The following DDX17 variants were observed in gnomAD, a reference collection of about 807,000 sequenced individuals.
DDX17 encodes DEAD-box helicase 17.
In DDX17, 10 loss-of-function variants were observed where a neutral mutation model predicts 80.8. The ratio of observed to expected loss-of-function variants is 0.12; its 90% CI spans 0.08 to 0.21. The LOEUF (loss-of-function observed/expected upper bound fraction) is 0.21. DDX17 is among the 10% of genes least tolerant of loss of function. The pLI is 1.00. For missense variants in DDX17, 586 were observed against 957.4 expected, an observed-to-expected ratio of 0.61 and a Z score of 5.12; for synonymous variants, 339 against 336.2, an observed-to-expected ratio of 1.01 and a Z score of -0.09.
At chr22:38,499,320 T>C in intron 3 of DDX17, 80 bp downstream of exon 3, 1 of 1,084,534 alleles carries the variant, frequency 9.2e-7, no homozygotes, top group Non-Finnish European at 1.4e-6. Flanking sequence ...CAAGCCTGGC[T>C]CAAAGAGTTT....
rs1386912140 is a variant in DDX17, at chr22:38,506,130, C to G, written c.108G>C (p.Glu36Asp). ...TTGGGGCGGCGGCAGGCGCAGCGCTCTCTCGCTCCGACGCGCTGTCTCCCG... is the reference window on the plus strand; with the variant it reads ...TTGGGGCGGCGGCAGGCGCAGCGCTGTCTCGCTCCGACGCGCTGTCTCCCG... Residue 36 changes from glutamate (E) to aspartate (D), a missense_variant, in exon 1 of 13, where the codon GAG becomes GAC. Glu to Asp is a conservative substitution (Grantham distance 45). Coordinates refer to ENST00000403230, the MANE Select transcript of DDX17 (RefSeq NM_006386.5). 1.9e-6 allele frequency: 3 copies of G among 1,579,732 alleles called. No homozygotes were observed. The highest frequency in any genetic ancestry group is 2.6e-6 in the Non-Finnish European group (3 of 1,164,186).
intron 1 of DDX17, among the ~76,000 whole-genome samples, chr22:38,504,227 C>T (rs1175292811): frequency 6.6e-6 from 1 of 152,202 alleles, no homozygotes; most frequent in Non-Finnish European, 1.5e-5. Flanking sequence ...CCTACCACAA[C>T]GTGCTTTTTA....
Position 38,488,019 on chromosome 22 carries a change from T to C in DDX17, c.1544A>G (p.Lys515Arg). 1 of 1,614,222 alleles carries C rather than the reference T, an allele frequency of 6.2e-7. No homozygotes were observed. The highest frequency in any genetic ancestry group is 8.5e-7 in the Non-Finnish European group (1 of 1,180,040). ...GGTGAAGAAGGTATAGGCGGTACCC[T>C]TGTTGGTGCTACGGGCTGTTCGGCC... Residue 515 changes from lysine to arginine, a missense_variant, in exon 12 of 13, where the codon AAG becomes AGG. Lys to Arg is a conservative substitution (Grantham distance 26, BLOSUM62 2). This residue lies in a region of DDX17 where 9 missense variants were observed against 78.3 expected (regional missense o/e 0.11). Transcript: ENST00000403230.
intron 11 of DDX17, 22 bp from the exon 12 acceptor site, chr22:38,488,137 A>G (rs2089678839): frequency 1.2e-6 from 2 of 1,613,952 alleles, no homozygotes; most frequent in South Asian, 2.2e-5. Context: ...ATGATGAGTC[A>G]GTGTGTAGGT....
Position 38,498,129 on chromosome 22 carries a change from G to T in DDX17, c.694C>A (p.His232Asn). Reference sequence around the variant, plus strand: ...TCCAAGTATGGCTGGTGGTTAATATGAACAATTGCAGGCAGGAGATACTGT... The same window carrying T: ...TCCAAGTATGGCTGGTGGTTAATATTAACAATTGCAGGCAGGAGATACTGT... The change falls in exon 5 of 13, where the codon CAT becomes AAT. Residue 232 changes from histidine (H) to asparagine (N), a missense_variant. Physicochemically the swap from His to Asn is moderately conservative, Grantham distance 68 (BLOSUM62 1). Transcript: ENST00000403230. 1 of 1,614,066 alleles carries T rather than the reference G, an allele frequency of 6.2e-7. No individual in the cohort carries two copies. Among genetic ancestry groups the T allele is most frequent in the South Asian group, 1.1e-5 (1 of 91,068 alleles).
intron 10 of DDX17, 130 bp from the exon 11 acceptor site, chr22:38,492,245 C>G: frequency 1.5e-6 from 1 of 664,264 alleles, no homozygotes; most frequent in South Asian, 2.3e-5. Context: ...GACAGTGATT[C>G]TTTTGAAAAT....
intron 12 of DDX17, 88 bp from the exon 13 acceptor site, chr22:38,486,528 A>C: frequency 6.9e-7 from 1 of 1,442,580 alleles, no homozygotes; most frequent in Non-Finnish European, 9.2e-7. Context: ...CAAAAGTATT[A>C]AACATGTCTC....
chr22:38,489,454 A>G lies in DDX17; in HGVS notation c.1448-1339T>C. The G allele has an allele frequency of 1.0e-6, 1 of 985,826 alleles. No individual in the cohort carries two copies. Among genetic ancestry groups the G allele is most frequent in the Non-Finnish European group, 1.2e-6 (1 of 829,938 alleles). 61.1% of individuals were successfully genotyped at this position (985,826 alleles called of 1,614,324 possible). Reference sequence around the variant, plus strand: ...GCCCCATTTGGTTGCCAAGCGCCGGAGAACCTGGGTTCGGGTAAAAATTTC... The same window carrying G: ...GCCCCATTTGGTTGCCAAGCGCCGGGGAACCTGGGTTCGGGTAAAAATTTC... On this transcript the variant is annotated intron_variant, in intron 11 of 12. Transcript: ENST00000403230. The surrounding 1 kb of genome is among the most constrained non-coding windows in gnomAD (Gnocchi z 4.6).
rs1569141412 is a variant in DDX17, at chr22:38,498,163, G to GA, written c.673-14dup. The GA allele has an allele frequency of 1.2e-6, 2 of 1,613,248 alleles. No individual in the cohort carries two copies. The highest frequency in any genetic ancestry group is 8.5e-7 in the Non-Finnish European group (1 of 1,179,464). On this transcript the variant is annotated splice_polypyrimidine_tract_variant and intron_variant, in intron 4 of 12. Transcript: ENST00000403230. ...CAGGCAGGAGATACTGTGGAGGGGG[G>GA]AAAGAATGACAACCTTACGCTTAGA...
rs1204171953 is a variant in DDX17 at position 38,505,884 on chromosome 22, C to T, written c.287+67G>A. The T allele has an allele frequency of 1.9e-5, 29 of 1,511,054 alleles. No individual in the cohort carries two copies. The East Asian group carries it at 3.0e-4, about 16-fold the overall frequency. The allele number at this position is 1,511,054 out of a possible 1,614,324, so 93.6% of individuals were successfully genotyped here. A position where few individuals can be genotyped will look rare whatever the true frequency, so the allele number is the denominator to read the frequency against. On this transcript the variant is annotated intron_variant, in intron 1 of 12. Transcript: ENST00000403230. ...CAAGGCTCCCAGGCTCGCAGTCCGC[C>T]GGGCCTCCCCAAGAAGCAACTCCCC... is the stretch of plus-strand genomic sequence containing the variant.
chr22:38,500,335 G>C (rs923226459), intron 2 of DDX17, among the ~76,000 whole-genome samples: 12 of 151,868 alleles, frequency 7.9e-5, no homozygotes, highest in African/African-American at 2.7e-4. Flanking sequence ...ATGAGTATTA[G>C]GGGTCTTAGA....
At chr22:38,488,141 T>A (rs1167200329) in intron 11 of DDX17, 26 bp from the exon 12 acceptor site, 1 of 1,613,016 alleles carries the variant, frequency 6.2e-7, no homozygotes, top group Admixed American at 1.7e-5. Flanking sequence ...TGAGTCAGTG[T>A]GTAGGTTGAT....
At position 38,505,719 on chromosome 22, in the gene DDX17, A is replaced by T. The variant is rs1602689965; in HGVS notation, c.287+232T>A. Reference sequence around the variant, plus strand: ...GGCTGGGATGGGGCCGGGCCGCGCCACGACGGCCGTCCGCACGGAGAGGCC... The same window carrying T: ...GGCTGGGATGGGGCCGGGCCGCGCCTCGACGGCCGTCCGCACGGAGAGGCC... On this transcript the variant is annotated intron_variant, in intron 1 of 12. Transcript: ENST00000403230. 7 of 521,944 alleles carry T rather than the reference A, an allele frequency of 1.3e-5. No homozygotes were observed. The East Asian group carries it at 2.5e-4, about 19-fold the overall frequency. 32.3% of individuals were successfully genotyped at this position (521,944 alleles called of 1,614,324 possible).
rs774771008 is a variant in DDX17, at chr22:38,494,725, A to C, written c.1119T>G (p.Asp373Glu). Residue 373 changes from aspartate (D) to glutamate (E), a missense_variant, in exon 8 of 13, where the codon GAT becomes GAG. Physicochemically the swap from Asp to Glu is conservative, Grantham distance 45. Around this residue, in one of 4 missense-constraint regions of DDX17, gnomAD observed 141 missense variants for 379.3 expected, o/e 0.37. Transcript: ENST00000403230. ...GATTGCCTACGTTGATCTGGGTGTA[A>C]TCACGAAGGAAATCCTCTGCAAGCT... is the stretch of plus-strand genomic sequence containing the variant. 3 of 1,614,140 alleles carry C rather than the reference A, an allele frequency of 1.9e-6. No individual in the cohort carries two copies. The highest frequency in any genetic ancestry group is 1.7e-6 in the Non-Finnish European group (2 of 1,180,032).
Position 38,493,691 on chromosome 22 carries a change from T to G in DDX17, c.1387+19A>C, listed in dbSNP as rs374313769. ...CAGGGGGTGGGGAATCAACAGAAAA[T>G]GCTTAGTTTTAAACTTACCATTAAG... On this transcript the variant is annotated intron_variant, in intron 10 of 12. Coordinates refer to ENST00000403230, the MANE Select transcript of DDX17 (RefSeq NM_006386.5). The G allele has an allele frequency of 1.3e-6, 2 of 1,594,286 alleles. No individual in the cohort carries two copies. The highest frequency in any genetic ancestry group is 1.7e-6 in the Non-Finnish European group (2 of 1,162,302).
intron 1 of DDX17, among the ~76,000 whole-genome samples, chr22:38,504,921 G>A: frequency 6.6e-6 from 1 of 151,906 alleles, no homozygotes; most frequent in East Asian, 1.9e-4. Context: ...AAGCGGGGGG[G>A]TCGGGGGAGA....
chr22:38,501,893 A>G (rs1256650087), intron 1 of DDX17, among the ~76,000 whole-genome samples: 1 of 152,256 alleles, frequency 6.6e-6, no homozygotes, highest in Admixed American at 6.5e-5. Flanking sequence ...TGTAACAGAC[A>G]TGCAGGCAAA....
Position 38,489,904 on chromosome 22 carries a change from A to G in DDX17, c.1448-1789T>C, listed in dbSNP as rs1358659740. On this transcript the variant is annotated intron_variant, in intron 11 of 12. Transcript: ENST00000403230. The surrounding 1 kb of genome is among the most constrained non-coding windows in gnomAD (Gnocchi z 4.6). ...AGAGCTAGGATAATGCTCCTTATGC[A>G]ATCCCACTGCATATGACCATGGCAG... 1.0e-6 allele frequency: 1 copy of G among 988,562 alleles called. No individual in the cohort carries two copies. The highest frequency in any genetic ancestry group is 1.7e-5 in the African/African-American group (1 of 57,262). 61.2% of individuals were successfully genotyped at this position (988,562 alleles called of 1,614,324 possible).
chr22:38,487,100 A>T (rs1204184964), intron 12 of DDX17, among the ~76,000 whole-genome samples: 1 of 152,184 alleles, frequency 6.6e-6, no homozygotes, highest in Non-Finnish European at 1.5e-5. Flanking sequence ...CCCAGGAGGC[A>T]GAGGTTGAAG....
Sources: allele counts gnomAD v4.1 joint callset (sites outside exome capture counted in the v4.1 genomes callset), GRCh38; gene constraint gnomAD v4.1.1; regional missense constraint gnomAD v4.1.1; non-coding constraint Gnocchi (gnomAD v3.1); transcripts MANE v1.5; gene names NCBI Gene and HGNC (gene_info 2026-07-23, HGNC 2026-07-21).